The following NLRP4 variants were observed in gnomAD, a reference collection of about 807,000 sequenced individuals.
NLRP4 encodes NLR family pyrin domain containing 4, also known as NACHT, LRR and PYD domains-containing protein 4.
Under a neutral mutation model 84.7 loss-of-function variants are expected in NLRP4, and 44 were observed. The observed-to-expected ratio is 0.52, with a 90% CI of 0.41 to 0.67. NLRP4 has a LOEUF of 0.67. Ranked by LOEUF, NLRP4 falls within the 30% of genes least tolerant of loss-of-function variation. NLRP4 has a pLI of 0.00. For missense variants in NLRP4, 1,260 were observed against 1,219.4 expected (o/e 1.03, Z -0.50); for synonymous variants, 544 against 476.4 (o/e 1.14, Z -1.85).
intron 1 of NLRP4, among the ~76,000 whole-genome samples, chr19:55,847,234 C>T (rs1375025791): frequency 2.0e-5 from 3 of 152,094 alleles, no homozygotes; most frequent in African/African-American, 2.4e-5. Flanking sequence ...TATAACTTAA[C>T]CCTTTTATTG....
In NLRP4 at chr19:55,850,111, GT is replaced by G. The variant is rs1568658590; in HGVS notation, c.-65-1904del. Among the ~76,000 whole-genome samples, 15 of 135,076 alleles carry G rather than the reference GT, an allele frequency of 1.1e-4. 1 individual carries two copies. Among genetic ancestry groups the G allele is most frequent in the African/African-American group, 3.1e-4 (11 of 35,876 alleles). 88.6% of individuals were successfully genotyped at this position (135,076 alleles called of 152,430 possible). A position where few individuals can be genotyped will look rare whatever the true frequency, so the allele number is the denominator to read the frequency against. ...TTTCCGTGGCTGCGGTGTAATTACC[GT>G]AGCTGCGGTGTAATTTCCGTGGCTG... On this transcript the variant is annotated intron_variant, in intron 1 of 9. Coordinates refer to ENST00000301295, the MANE Select transcript of NLRP4 (RefSeq NM_134444.5).
chr19:55,850,827 G>T (rs1181158599), intron 1 of NLRP4, among the ~76,000 whole-genome samples: 765 of 54,606 alleles, frequency 0.014, 36 homozygotes, highest in Non-Finnish European at 0.018. Flanking sequence ...GCGGTGTAAT[G>T]TCCGAGGCTG....
At chr19:55,853,955 CTA>C (rs1568661848) in intron 2 of NLRP4, among the ~76,000 whole-genome samples, 4 of 141,738 alleles carry the variant, frequency 2.8e-5, no homozygotes, top group East Asian at 2.1e-4. Context: ...GTCTTTCTCT[CTA>C]TTTCTCTCTT....
chr19:55,839,179 C>T (rs774214575), intron 1 of NLRP4, among the ~76,000 whole-genome samples: 5 of 151,908 alleles, frequency 3.3e-5, no homozygotes, highest in South Asian at 4.2e-4. Flanking sequence ...TCCCTGTGTC[C>T]GTTTGTGTTC....
chr19:55,869,097 A>G (rs1051204985), intron 6 of NLRP4, among the ~76,000 whole-genome samples: 2 of 152,186 alleles, frequency 1.3e-5, no homozygotes, highest in African/African-American at 4.8e-5. Context: ...GTCCCAGGTA[A>G]CTATCTGGAG....
At chr19:55,840,897 C>A (rs1983589912) in intron 1 of NLRP4, among the ~76,000 whole-genome samples, 1 of 152,154 alleles carries the variant, frequency 6.6e-6, no homozygotes, top group Non-Finnish European at 1.5e-5. Flanking sequence ...TCTTTTCCTT[C>A]TAATTCAAGT....
chr19:55,848,590 G>A (rs1983892722), intron 1 of NLRP4, among the ~76,000 whole-genome samples: 1 of 152,098 alleles, frequency 6.6e-6, no homozygotes, highest in Admixed American at 6.5e-5. Context: ...TTTTAGTAGA[G>A]ATGGGGTTTC....
intron 1 of NLRP4, among the ~76,000 whole-genome samples, chr19:55,843,158 G>A (rs992050300): frequency 2.0e-5 from 3 of 152,082 alleles, no homozygotes; most frequent in Non-Finnish European, 4.4e-5. Context: ...TCTTTCTGTA[G>A]CACCTGATCA....
intron 7 of NLRP4, among the ~76,000 whole-genome samples, chr19:55,875,707 G>A (rs1985342714): frequency 6.6e-6 from 1 of 152,108 alleles, no homozygotes; most frequent in Non-Finnish European, 1.5e-5. Flanking sequence ...ACTTGCAAGA[G>A]GCCAAGAATA....
At chr19:55,855,677 A>G (rs1196937099) in intron 2 of NLRP4, among the ~76,000 whole-genome samples, 1 of 152,258 alleles carries the variant, frequency 6.6e-6, no homozygotes, top group African/African-American at 2.4e-5. Flanking sequence ...AAAATTTCCC[A>G]TCTACAACTG....
chr19:55,845,324 G>C (rs1983754255), intron 1 of NLRP4, among the ~76,000 whole-genome samples: 1 of 151,538 alleles, frequency 6.6e-6, no homozygotes, highest in African/African-American at 2.4e-5. Flanking sequence ...ATGGTTTCCA[G>C]CTTCATCCAT....
intron 8 of NLRP4, among the ~76,000 whole-genome samples, chr19:55,878,347 C>G (rs114293333): frequency 0.056 from 8,428 of 151,744 alleles, 715 homozygotes; most frequent in African/African-American, 0.19. Flanking sequence ...TAGAACCCAG[C>G]AGGTCAAGGC....
intron 1 of NLRP4, among the ~76,000 whole-genome samples, chr19:55,850,127 T>G (rs1188851551): frequency 1.2e-4 from 16 of 135,470 alleles, no homozygotes; most frequent in South Asian, 2.4e-4. Flanking sequence ...GCGGTGTAAT[T>G]TCCGTGGCTG....
chr19:55,844,101 A>G (rs1382624852), intron 1 of NLRP4, among the ~76,000 whole-genome samples: 1 of 152,176 alleles, frequency 6.6e-6, no homozygotes, highest in South Asian at 2.1e-4. Flanking sequence ...CTGAAGGCTA[A>G]TAAGTCCAAA....
At chr19:55,856,060 C>T (rs932923557) in intron 2 of NLRP4, among the ~76,000 whole-genome samples, 7 of 152,214 alleles carry the variant, frequency 4.6e-5, no homozygotes, top group Non-Finnish European at 1.0e-4. Context: ...GTGGTGCAAT[C>T]TCTGCTCACT....
At position 55,861,396 on chromosome 19, in the gene NLRP4, A is replaced by G. The variant is rs756719349; in HGVS notation, c.1867A>G (p.Ser623Gly). ...EDEHSSTSDY[S>G]LICWHHICSV... ...CTTTCTTGACCACAGGTCGGATTAC[A>G]GCCTCATCTGTTGGCATCACATCTG... Residue 623 changes from serine (S) to glycine (G), a missense_variant, in exon 4 of 10, where the codon AGC becomes GGC. By Grantham distance (56) the Ser-to-Gly change is moderately conservative. Coordinates refer to ENST00000301295, the MANE Select transcript of NLRP4 (RefSeq NM_134444.5). 80 of 1,613,568 alleles carry G rather than the reference A, an allele frequency of 5.0e-5. No individual in the cohort carries two copies. The highest frequency in any genetic ancestry group is 6.0e-5 in the Non-Finnish European group (71 of 1,179,760).
chr19:55,863,899 T>G (rs1366968529), intron 5 of NLRP4, among the ~76,000 whole-genome samples: 1 of 152,170 alleles, frequency 6.6e-6, no homozygotes, highest in Non-Finnish European at 1.5e-5. Flanking sequence ...CTACTTACCT[T>G]CATTGGTACC....
At chr19:55,839,326 TTCAC>T (rs1983516239) in intron 1 of NLRP4, among the ~76,000 whole-genome samples, 1 of 152,054 alleles carries the variant, frequency 6.6e-6, no homozygotes, top group Non-Finnish European at 1.5e-5. Flanking sequence ...TGTGTGCTCT[TTCAC>T]ACACATATAC....
chr19:55,871,072 G>A, intron 7 of NLRP4, 75 bp downstream of exon 7: 6 of 1,297,642 alleles, frequency 4.6e-6, no homozygotes, highest in Non-Finnish European at 6.6e-6. Flanking sequence ...GGGGCATCTG[G>A]AATTGAGGAA....
Sources: allele counts gnomAD v4.1 joint callset (sites outside exome capture counted in the v4.1 genomes callset), GRCh38; gene constraint gnomAD v4.1.1; transcripts MANE v1.5; gene names NCBI Gene and HGNC (gene_info 2026-07-23, HGNC 2026-07-21).